The following RIMS2 variants were observed in gnomAD, a reference collection of about 807,000 sequenced individuals.
The protein encoded by RIMS2 is regulating synaptic membrane exocytosis protein 2.
Under a neutral mutation model 174.4 loss-of-function variants are expected in RIMS2, and 59 were observed. The observed-to-expected ratio is 0.34, with a 90% CI of 0.27 to 0.42. The LOEUF is 0.42. Ranked by LOEUF, RIMS2 falls within the 10% of genes least tolerant of loss-of-function variation. RIMS2 has a pLI of 1.00. For synonymous variants in RIMS2, 606 were observed against 572.5 expected (o/e 1.06, Z -0.84); for missense variants, 1,620 against 1,666.3 (o/e 0.97, Z 0.48).
At chr8:103,858,217 C>G (rs2099038562) in intron 3 of RIMS2, among the ~76,000 whole-genome samples, 1 of 152,180 alleles carries the variant, frequency 6.6e-6, no homozygotes, top group Non-Finnish European at 1.5e-5. Flanking sequence ...CTAAAACAGG[C>G]ATGAGACATT....
At chr8:103,864,518 G>A (rs1348386124) in intron 3 of RIMS2, among the ~76,000 whole-genome samples, 2 of 151,932 alleles carry the variant, frequency 1.3e-5, no homozygotes, top group Admixed American at 6.6e-5. Context: ...AATTTTCTTC[G>A]ACCATGGTCT....
intron 19 of RIMS2, among the ~76,000 whole-genome samples, chr8:104,153,035 A>G (rs78656397): frequency 5.3e-4 from 81 of 152,282 alleles, no homozygotes; most frequent in African/African-American, 1.9e-3. Context: ...GAATAGTGAA[A>G]TGATTCTGGA....
chr8:103,869,352 C>A (rs2099099236), intron 3 of RIMS2, among the ~76,000 whole-genome samples: 1 of 151,978 alleles, frequency 6.6e-6, no homozygotes. Context: ...CCCACCACCA[C>A]GCCCAGCTAA....
intron 1 of RIMS2, among the ~76,000 whole-genome samples, chr8:103,540,224 G>T (rs1457701159): frequency 6.6e-6 from 1 of 152,194 alleles, no homozygotes; most frequent in African/African-American, 2.4e-5. Context: ...ACCAACATGA[G>T]TGGGCTCATA....
At chr8:103,849,287 A>G (rs1253073455) in intron 3 of RIMS2, among the ~76,000 whole-genome samples, 1 of 151,956 alleles carries the variant, frequency 6.6e-6, no homozygotes, top group African/African-American at 2.4e-5. Flanking sequence ...CTCTAGGTTC[A>G]CTCCTGGCAT....
At chr8:104,213,695 A>G (rs2099115831) in intron 19 of RIMS2, among the ~76,000 whole-genome samples, 1 of 152,074 alleles carries the variant, frequency 6.6e-6, no homozygotes, top group East Asian at 2.0e-4. Flanking sequence ...TGACCAACAC[A>G]GTGAAACCCC....
intron 19 of RIMS2, among the ~76,000 whole-genome samples, chr8:104,015,624 G>T (rs1008495244): frequency 6.6e-6 from 1 of 151,748 alleles, no homozygotes; most frequent in African/African-American, 2.4e-5. Context: ...TTTTTAACTT[G>T]GAAATTATAC....
At chr8:104,175,215 T>A (rs1324954327) in intron 19 of RIMS2, among the ~76,000 whole-genome samples, 1 of 152,172 alleles carries the variant, frequency 6.6e-6, no homozygotes, top group Admixed American at 6.5e-5. Context: ...CCAACAAGTT[T>A]TTTTTTCAGA....
chr8:103,832,884 CTT>C (rs2098834722), intron 3 of RIMS2, among the ~76,000 whole-genome samples: 2 of 152,110 alleles, frequency 1.3e-5, no homozygotes, highest in Non-Finnish European at 2.9e-5. Flanking sequence ...TTTAAGCAGT[CTT>C]ATGTATTTTA....
intron 1 of RIMS2, among the ~76,000 whole-genome samples, chr8:103,644,880 A>G (rs1203937502): frequency 5.9e-5 from 9 of 151,960 alleles, no homozygotes; most frequent in Admixed American, 4.6e-4. Flanking sequence ...CAACATGTTT[A>G]TGATAAAAAC....
chr8:103,522,845 G>A (rs1832363504), intron 1 of RIMS2, among the ~76,000 whole-genome samples: 1 of 152,130 alleles, frequency 6.6e-6, no homozygotes, highest in African/African-American at 2.4e-5. Flanking sequence ...AATTGAGTGT[G>A]ATATAGTGTT....
chr8:103,868,538 T>C (rs1197568583), intron 3 of RIMS2, among the ~76,000 whole-genome samples: 4 of 152,110 alleles, frequency 2.6e-5, no homozygotes, highest in Non-Finnish European at 4.4e-5. Context: ...ATGTGTTTAG[T>C]AGTCATTATT....
At chr8:104,117,411 C>T (rs2098296272) in intron 19 of RIMS2, among the ~76,000 whole-genome samples, 1 of 149,868 alleles carries the variant, frequency 6.7e-6, no homozygotes, top group Non-Finnish European at 1.5e-5. Flanking sequence ...TTAATAGAAG[C>T]AAGGTCTTGC....
In RIMS2 at chr8:104,190,717, AT is replaced by A. The variant is rs569374670; in HGVS notation, c.3335-54191del. Among the ~76,000 whole-genome samples the A allele has an allele frequency of 2.1e-3, 321 of 151,808 alleles. 3 individuals carry two copies. Among genetic ancestry groups the A allele is most frequent in the Middle Eastern group, 0.01 (3 of 294 alleles). On this transcript the variant is annotated intron_variant, in intron 19 of 23. Transcript: ENST00000504942. ...TTTCCCTATAGATATGAGAGCATGC[AT>A]TTTTTTTGGCAGCCTATGAGCATAT...
intron 1 of RIMS2, among the ~76,000 whole-genome samples, chr8:103,563,421 C>A (rs1031885974): frequency 2.0e-5 from 3 of 152,174 alleles, no homozygotes; most frequent in Non-Finnish European, 4.4e-5. Context: ...CGTCTCTTTG[C>A]TAAAACATAA....
chr8:104,008,350 TATTA>T (rs1390403925), intron 17 of RIMS2, among the ~76,000 whole-genome samples: 2 of 151,972 alleles, frequency 1.3e-5, no homozygotes, highest in Non-Finnish European at 2.9e-5. Flanking sequence ...ATTTGTTCTG[TATTA>T]ATTATTATGG....
intron 19 of RIMS2, among the ~76,000 whole-genome samples, chr8:104,230,920 C>A (rs1457381291): frequency 6.6e-6 from 1 of 152,068 alleles, no homozygotes; most frequent in Non-Finnish European, 1.5e-5. Flanking sequence ...AGCTATAAAT[C>A]TGGTTGTTTA....
chr8:103,582,847 G>A (rs2093692039), intron 1 of RIMS2, among the ~76,000 whole-genome samples: 1 of 152,180 alleles, frequency 6.6e-6, no homozygotes, highest in African/African-American at 2.4e-5. Context: ...GGACCCACCT[G>A]GGGCCTGGGG....
chr8:104,135,006 G>T (rs1169947509), intron 19 of RIMS2, among the ~76,000 whole-genome samples: 2 of 143,260 alleles, frequency 1.4e-5, no homozygotes, highest in Admixed American at 6.8e-5. Context: ...CTTATTTTTG[G>T]TGCAAAAAAA....
Sources: gnomAD v4.1 joint callset for allele counts (sites outside exome capture counted in the v4.1 genomes callset) on GRCh38, gnomAD v4.1.1 for gene constraint, MANE v1.5 for transcripts, NCBI Gene and HGNC (gene_info 2026-07-23, HGNC 2026-07-21) for gene names.